Variants in SLC9A9 observed in about 807,000 individuals in gnomAD.
SLC9A9 encodes the protein sodium/hydrogen exchanger 9.
A neutral mutation model predicts 77.8 loss-of-function variants in SLC9A9; 62 were observed. The observed-to-expected ratio is 0.80, with a 90% CI of 0.65 to 0.98. The LOEUF (loss-of-function observed/expected upper bound fraction) is 0.98, where lower values mean the gene tolerates loss of function less well. SLC9A9 is among the 50% of genes least tolerant of loss of function. The probability of loss-of-function intolerance (pLI) is 0.00; values close to 1 mark genes in which losing one functional copy is unlikely to be tolerated. For missense variants in SLC9A9, 775 were observed against 774.9 expected (o/e 1.00, Z 0.00); for synonymous variants, 320 against 283.5 (o/e 1.13, Z -1.29).
chr3:143,270,888 A>G (rs1296949930), intron 14 of SLC9A9, among the ~76,000 whole-genome samples: 1 of 152,246 alleles, frequency 6.6e-6, no homozygotes, highest in Non-Finnish European at 1.5e-5. Flanking sequence ...TTATGGTTTG[A>G]CTTTTTATGG....
intron 12 of SLC9A9, among the ~76,000 whole-genome samples, chr3:143,404,543 T>C (rs942396863): frequency 1.3e-5 from 2 of 152,194 alleles, no homozygotes; most frequent in African/African-American, 4.8e-5. Context: ...AAGTTCCGCA[T>C]CTGTGCCCCC....
At chr3:143,302,919 C>G (rs2030594167) in intron 14 of SLC9A9, among the ~76,000 whole-genome samples, 1 of 152,180 alleles carries the variant, frequency 6.6e-6, no homozygotes, top group Non-Finnish European at 1.5e-5. Flanking sequence ...GAGTCCCTCC[C>G]ACGTTACAAG....
chr3:143,379,704 G>C (rs1304520173), intron 13 of SLC9A9, among the ~76,000 whole-genome samples: 1 of 151,722 alleles, frequency 6.6e-6, no homozygotes, highest in African/African-American at 2.4e-5. Context: ...TTGAGGAGAG[G>C]GTATTATTTT....
intron 2 of SLC9A9, among the ~76,000 whole-genome samples, chr3:143,822,665 A>G (rs1327100022): frequency 6.6e-6 from 1 of 152,114 alleles, no homozygotes; most frequent in Non-Finnish European, 1.5e-5. Flanking sequence ...TTAAATAACT[A>G]CTCGCTGGAG....
chr3:143,527,339 T>C lies in SLC9A9; in HGVS notation c.1089+25023A>G, dbSNP rs189240619. Among the ~76,000 whole-genome samples the C allele has an allele frequency of 1.4e-3, 209 of 152,336 alleles. 1 individual carries two copies. Among genetic ancestry groups the C allele is most frequent in the African/African-American group, 4.8e-3 (200 of 41,574 alleles). On this transcript the variant is annotated intron_variant, in intron 9 of 15. Coordinates refer to ENST00000316549, the MANE Select transcript of SLC9A9 (RefSeq NM_173653.4). ...CCTCTAATATGGTTAAAGTGTTTTA[T>C]TGACACGTGACAAAACTTGACAACT...
chr3:143,410,093 T>A (rs2034063424), intron 12 of SLC9A9, among the ~76,000 whole-genome samples: 1 of 152,158 alleles, frequency 6.6e-6, no homozygotes, highest in Non-Finnish European at 1.5e-5. Flanking sequence ...ACCCCTTAAC[T>A]CCCTGTCCCA....
chr3:143,690,234 G>A (rs957786679), intron 5 of SLC9A9, among the ~76,000 whole-genome samples: 1 of 151,684 alleles, frequency 6.6e-6, no homozygotes, highest in African/African-American at 2.4e-5. Flanking sequence ...ATTAATGTGT[G>A]GGAAGAAAAA....
chr3:143,462,385 ATAG>A (rs2035208210), intron 12 of SLC9A9, among the ~76,000 whole-genome samples: 1 of 152,142 alleles, frequency 6.6e-6, no homozygotes, highest in Non-Finnish European at 1.5e-5. Context: ...AAAAAAATTA[ATAG>A]TAGAAGGATT....
intron 5 of SLC9A9, among the ~76,000 whole-genome samples, chr3:143,678,491 T>TCA (rs1424079018): frequency 1.3e-5 from 2 of 152,224 alleles, no homozygotes; most frequent in Admixed American, 1.3e-4. Flanking sequence ...GTGTTCAATT[T>TCA]TATAATCTAA....
At chr3:143,711,178 G>A (rs750840663) in intron 4 of SLC9A9, among the ~76,000 whole-genome samples, 12 of 152,100 alleles carry the variant, frequency 7.9e-5, no homozygotes, top group Non-Finnish European at 1.0e-4. Flanking sequence ...AATCTAGAAC[G>A]GAGAGCTTCA....
intron 5 of SLC9A9, among the ~76,000 whole-genome samples, chr3:143,666,194 A>C (rs930249180): frequency 6.6e-6 from 1 of 152,242 alleles, no homozygotes; most frequent in African/African-American, 2.4e-5. Context: ...GCAAAGCAAT[A>C]AATGTAATCC....
At chr3:143,313,904 T>C (rs2031111308) in intron 14 of SLC9A9, among the ~76,000 whole-genome samples, 1 of 152,114 alleles carries the variant, frequency 6.6e-6, no homozygotes, top group African/African-American at 2.4e-5. Flanking sequence ...TGGGCAGAAC[T>C]CATTTCTAGG....
rs185330534 is a variant in SLC9A9 at position 143,412,700 on chromosome 3, C to A, written c.1470-30586G>T. Among the ~76,000 whole-genome samples, 104 of 152,346 alleles carry A rather than the reference C, an allele frequency of 6.8e-4. 2 individuals are homozygous for A. The highest frequency in any genetic ancestry group is 6.3e-3 in the Admixed American group (96 of 15,304). On this transcript the variant is annotated intron_variant, in intron 12 of 15. Coordinates refer to ENST00000316549, the MANE Select transcript of SLC9A9 (RefSeq NM_173653.4). ...TTTATTCCTCCCTCTTTAGCGCCAT[C>A]AGAGTTCTTGTTTGTTCCTTAGTGG...
rs2036217135 is a variant in SLC9A9, at chr3:143,517,258, G to A, written c.1090-21810C>T. 7.0e-6 allele frequency: 9 copies of A among 1,277,110 alleles called. No individual in the cohort carries two copies. In the South Asian group the frequency reaches 7.1e-5, roughly 10 times the overall value. 79.1% of individuals were successfully genotyped at this position (1,277,110 alleles called of 1,614,324 possible). On this transcript the variant is annotated intron_variant, in intron 9 of 15. Coordinates refer to ENST00000316549, the MANE Select transcript of SLC9A9 (RefSeq NM_173653.4). ...CCATAACTTCTGGATCCTGCATGGC[G>A]GCAAGAACCTCTGGATCACTAAGAA...
In SLC9A9 at chr3:143,378,076, C is replaced by T. The variant is rs534031944; in HGVS notation, c.1524+3984G>A. Among the ~76,000 whole-genome samples, 15 of 152,340 alleles carry T rather than the reference C, an allele frequency of 9.8e-5. No individual in the cohort carries two copies. The South Asian group carries it at 2.5e-3, about 25-fold the overall frequency. ...TTCTACCCTGACCAAGTAGCCTCCT[C>T]GCCTGTTCTCTATCCTCTGACCTGC... On this transcript the variant is annotated intron_variant, in intron 13 of 15. Coordinates refer to ENST00000316549, the MANE Select transcript of SLC9A9 (RefSeq NM_173653.4).
At chr3:143,578,428 G>T (rs181038195) in intron 7 of SLC9A9, among the ~76,000 whole-genome samples, 157 bp downstream of exon 7, 7 of 152,280 alleles carry the variant, frequency 4.6e-5, no homozygotes, top group African/African-American at 1.7e-4. Flanking sequence ...GCCTCCAGGG[G>T]TGACTGAGAA....
chr3:143,623,879 A>C (rs894780686), intron 6 of SLC9A9, among the ~76,000 whole-genome samples: 2 of 152,224 alleles, frequency 1.3e-5, no homozygotes, highest in Non-Finnish European at 2.9e-5. Context: ...AAGACTAATA[A>C]AGAAGAAAAG....
At chr3:143,383,290 T>C (rs1291305708) in intron 12 of SLC9A9, among the ~76,000 whole-genome samples, 5 of 152,340 alleles carry the variant, frequency 3.3e-5, no homozygotes, top group African/African-American at 1.2e-4. Context: ...GCATTATTCC[T>C]GTAAGCTGTT....
intron 4 of SLC9A9, among the ~76,000 whole-genome samples, chr3:143,763,688 A>G (rs2007211306): frequency 6.6e-6 from 1 of 151,924 alleles, no homozygotes; most frequent in African/African-American, 2.4e-5. Flanking sequence ...TAGAAAAATG[A>G]AGCAAAAAGC....
Sources: allele counts gnomAD v4.1 joint callset (sites outside exome capture counted in the v4.1 genomes callset), GRCh38; gene constraint gnomAD v4.1.1; transcripts MANE v1.5; gene names NCBI Gene and HGNC (gene_info 2026-07-23, HGNC 2026-07-21).